The following PPP2R5E variants were observed in gnomAD, a reference collection of about 807,000 sequenced individuals.
The protein encoded by PPP2R5E is protein phosphatase 2 regulatory subunit B'epsilon.
A neutral mutation model predicts 65.3 loss-of-function variants in PPP2R5E; 4 were observed. The observed-to-expected ratio is 0.06, with a 90% CI of 0.03 to 0.14. The LOEUF (loss-of-function observed/expected upper bound fraction) is 0.14, where lower values mean the gene tolerates loss of function less well. Ranked by LOEUF, PPP2R5E falls within the 10% of genes least tolerant of loss-of-function variation. The pLI is 1.00. For missense variants in PPP2R5E, 274 were observed against 556.1 expected (o/e 0.49, Z 5.10); for synonymous variants, 183 against 187.4 (o/e 0.98, Z 0.19).
intron 2 of PPP2R5E, among the ~76,000 whole-genome samples, chr14:63,519,319 G>T (rs1892789555): frequency 6.6e-6 from 1 of 152,174 alleles, no homozygotes; most frequent in Admixed American, 6.5e-5. Flanking sequence ...GTATATTTGA[G>T]GGTGTATAAA....
chr14:63,410,415 T>C (rs1886331782), intron 5 of PPP2R5E, among the ~76,000 whole-genome samples: 1 of 151,750 alleles, frequency 6.6e-6, no homozygotes, highest in South Asian at 2.1e-4. Flanking sequence ...GACTACCGAG[T>C]GCAGAGGTTA....
At chr14:63,417,234 A>G (rs1886750599) in intron 4 of PPP2R5E, among the ~76,000 whole-genome samples, 1 of 152,190 alleles carries the variant, frequency 6.6e-6, no homozygotes, top group African/African-American at 2.4e-5. Context: ...ATTCTTTATT[A>G]TCTCAATTTT....
chr14:63,423,997 T>TAA (rs200920586), intron 3 of PPP2R5E, among the ~76,000 whole-genome samples: 1 of 147,602 alleles, frequency 6.8e-6, no homozygotes, highest in Admixed American at 6.7e-5. Flanking sequence ...GATTTTTGCT[T>TAA]AAAAAAAAAA....
chr14:63,436,156 G>C (rs11849563), intron 3 of PPP2R5E, among the ~76,000 whole-genome samples: 1 of 152,118 alleles, frequency 6.6e-6, no homozygotes, highest in African/African-American at 2.4e-5. Flanking sequence ...AAACTGAATT[G>C]AGTGTTTTCT....
chr14:63,500,146 T>C (rs981177984), intron 2 of PPP2R5E, among the ~76,000 whole-genome samples: 1 of 152,250 alleles, frequency 6.6e-6, no homozygotes, highest in Non-Finnish European at 1.5e-5. Flanking sequence ...GAATTTTTCT[T>C]ATAGGAACAT....
chr14:63,450,392 G>A (rs1888754283), intron 3 of PPP2R5E, among the ~76,000 whole-genome samples: 1 of 152,190 alleles, frequency 6.6e-6, no homozygotes, highest in African/African-American at 2.4e-5. Context: ...TAAAGCTCCA[G>A]TGTATTTTAA....
At chr14:63,516,896 A>G (rs1892689313) in intron 2 of PPP2R5E, among the ~76,000 whole-genome samples, 1 of 152,252 alleles carries the variant, frequency 6.6e-6, no homozygotes, top group Non-Finnish European at 1.5e-5. Context: ...TTAGAGCTCA[A>G]TAGCAAACCT....
chr14:63,402,037 A>G (rs1361031238), intron 5 of PPP2R5E, among the ~76,000 whole-genome samples: 2 of 152,208 alleles, frequency 1.3e-5, no homozygotes, highest in Non-Finnish European at 2.9e-5. Flanking sequence ...TCTGGAGAGA[A>G]TGAGTAAGTA....
intron 5 of PPP2R5E, among the ~76,000 whole-genome samples, chr14:63,400,483 C>A (rs1257384321): frequency 6.6e-6 from 1 of 152,148 alleles, no homozygotes; most frequent in Admixed American, 6.5e-5. Context: ...CCTATCCAAA[C>A]AGAAGATGTT....
At chr14:63,439,361 T>TTTTTTG (rs546330361) in intron 3 of PPP2R5E, among the ~76,000 whole-genome samples, 2,968 of 151,962 alleles carry the variant, frequency 0.02, 45 homozygotes, top group Admixed American at 0.044. Context: ...TCTGTTTTTT[T>TTTTTTG]TTTTTGTTTT....
chr14:63,384,316 A>C lies in PPP2R5E; in HGVS notation c.1202+128T>G, dbSNP rs893968996. 1.8e-5 allele frequency: 20 copies of C among 1,105,968 alleles called. No homozygotes were observed. The East Asian group carries it at 3.1e-4, about 17-fold the overall frequency. 68.5% of individuals were successfully genotyped at this position (1,105,968 alleles called of 1,614,324 possible). On this transcript the variant is annotated intron_variant, in intron 12 of 13. Transcript: ENST00000337537. ...TTTTCTCCAGTCAGTGAATCCCCAG[A>C]AGGTAAGGATTTTATCTTTTCACAT... is the stretch of plus-strand genomic sequence containing the variant.
At chr14:63,440,134 G>T (rs1888147467) in intron 3 of PPP2R5E, among the ~76,000 whole-genome samples, 2 of 152,172 alleles carry the variant, frequency 1.3e-5, no homozygotes, top group African/African-American at 4.8e-5. Context: ...TAAGGGTGGG[G>T]CAGAGAGAGA....
Position 63,453,824 on chromosome 14 carries a change from A to G in PPP2R5E, c.219T>C (p.Ile73=). 6.2e-7 allele frequency: 1 copy of G among 1,604,152 alleles called. No individual in the cohort carries two copies. The highest frequency in any genetic ancestry group is 8.5e-7 in the Non-Finnish European group (1 of 1,175,828). The change falls in exon 3 of 14, where the codon ATT becomes ATC. Residue 73 remains isoleucine (I), a synonymous_variant. Coordinates refer to ENST00000337537, the MANE Select transcript of PPP2R5E (RefSeq NM_006246.5). ...FLKKLQQCCV[I]FDFMDTLSDL... The stretch of plus-strand genomic sequence containing the variant: ...CAGATAGCGTGTCCATGAAGTCAAA[A>G]ATGACACAGCACTGCTGAAGTTTCT...
chr14:63,423,896 A>G (rs780254115), intron 3 of PPP2R5E, among the ~76,000 whole-genome samples: 9 of 152,252 alleles, frequency 5.9e-5, no homozygotes, highest in Non-Finnish European at 1.3e-4. Context: ...AACTGAGCTC[A>G]GATGGGTAAG....
chr14:63,487,305 T>C lies in PPP2R5E; in HGVS notation c.158-33420A>G, dbSNP rs1188760445. Among the ~76,000 whole-genome samples, 4 of 152,346 alleles carry C rather than the reference T, an allele frequency of 2.6e-5. No homozygotes were observed. In the East Asian group the frequency reaches 7.7e-4, roughly 29 times the overall value. ...GACATAAAATAAGAGAAATGTGATATAGTCCAGTAGGAAATCAGATTTGGA... is the reference window on the plus strand; with the variant it reads ...GACATAAAATAAGAGAAATGTGATACAGTCCAGTAGGAAATCAGATTTGGA... On this transcript the variant is annotated intron_variant, in intron 2 of 13. Coordinates refer to ENST00000337537, the MANE Select transcript of PPP2R5E (RefSeq NM_006246.5).
intron 4 of PPP2R5E, 48 bp downstream of exon 4, chr14:63,421,945 A>G (rs1366279387): frequency 7.1e-7 from 1 of 1,412,828 alleles, no homozygotes; most frequent in African/African-American, 1.4e-5. Flanking sequence ...CTAATCAGCT[A>G]ATGAGTTAAT....
chr14:63,448,379 C>A (rs769958187), intron 3 of PPP2R5E, among the ~76,000 whole-genome samples: 1 of 152,110 alleles, frequency 6.6e-6, no homozygotes, highest in Non-Finnish European at 1.5e-5. Context: ...GATATAGTAA[C>A]AATGCAAAGG....
At chr14:63,472,305 AAAAAT>A (rs987201729) in intron 2 of PPP2R5E, among the ~76,000 whole-genome samples, 5 of 152,188 alleles carry the variant, frequency 3.3e-5, no homozygotes, top group African/African-American at 1.2e-4. Context: ...CATCTCAAAA[AAAAAT>A]AAAATAAAGG....
chr14:63,479,889 T>C (rs921649439), intron 2 of PPP2R5E, among the ~76,000 whole-genome samples: 2 of 152,218 alleles, frequency 1.3e-5, no homozygotes, highest in Admixed American at 1.3e-4. Context: ...GAATGCCTTA[T>C]TTTGTTAACA....
Sources: gnomAD v4.1 joint callset for allele counts (sites outside exome capture counted in the v4.1 genomes callset) on GRCh38, gnomAD v4.1.1 for gene constraint, MANE v1.5 for transcripts, NCBI Gene and HGNC (gene_info 2026-07-23, HGNC 2026-07-21) for gene names.